Variants in DHX32 observed in about 807,000 individuals in gnomAD.
The protein encoded by DHX32 is putative pre-mRNA-splicing factor ATP-dependent RNA helicase DHX32.
In DHX32, 51 loss-of-function variants were observed where a neutral mutation model predicts 70.0. The observed-to-expected ratio is 0.73, with a 90% CI of 0.58 to 0.92. The LOEUF (loss-of-function observed/expected upper bound fraction) is 0.92. Ranked by LOEUF, DHX32 falls within the 40% of genes least tolerant of loss-of-function variation. The pLI is 0.00. For synonymous variants in DHX32, 310 were observed against 315.3 expected (o/e 0.98, Z 0.18); for missense variants, 762 against 891.8 (o/e 0.85, Z 1.85).
chr10:125,859,527 A>G, intron 3 of DHX32, 76 bp downstream of exon 3: 4 of 1,465,070 alleles, frequency 2.7e-6, no homozygotes, highest in Non-Finnish European at 3.7e-6. Flanking sequence ...AGCAAACTGA[A>G]ACCTGTATGT....
intron 6 of DHX32, 196 bp from the exon 7 acceptor site, chr10:125,842,130 G>C: frequency 1.4e-6 from 1 of 713,946 alleles, no homozygotes; most frequent in Non-Finnish European, 2.1e-6. Flanking sequence ...GGAGCCCTGT[G>C]ATTGTCCAGC....
intron 1 of DHX32, among the ~76,000 whole-genome samples, chr10:125,895,835 T>C (rs1944482866): frequency 1.3e-5 from 2 of 152,036 alleles, no homozygotes; most frequent in South Asian, 2.1e-4. Context: ...ACCGTGCTCC[T>C]GGCTCTCGCG....
rs1255247122 is a variant in DHX32, at chr10:125,838,279, A to T, written c.1990T>A (p.Trp664Arg). ...ATGCTGAATTTATGGAAGAGGACCC[A>T]CTCTGGCATCTTCTTGGTGATTGAG... Reference protein sequence around the residue: ...GYSITKKMPEWVLFHKFSISE... With the variant: ...GYSITKKMPERVLFHKFSISE... Residue 664 changes from tryptophan (W) to arginine (R), a missense_variant, in exon 10 of 11, where the codon TGG becomes AGG. By Grantham distance (101) the Trp-to-Arg change is moderately radical. Around this residue, in one of 3 missense-constraint regions of DHX32, gnomAD observed 366 missense variants for 402.6 expected, o/e 0.91. Coordinates refer to ENST00000284690, the MANE Select transcript of DHX32 (RefSeq NM_018180.3). 1 of 1,613,556 alleles carries T rather than the reference A, an allele frequency of 6.2e-7. No homozygotes were observed. Among genetic ancestry groups the T allele is most frequent in the Non-Finnish European group, 8.5e-7 (1 of 1,179,890 alleles).
chr10:125,887,643 T>C (rs958408934), intron 1 of DHX32, among the ~76,000 whole-genome samples: 9 of 152,218 alleles, frequency 5.9e-5, no homozygotes, highest in Non-Finnish European at 1.2e-4. Flanking sequence ...GTGTGTGTTT[T>C]TTTTTAAATT....
chr10:125,864,374 T>C (rs1450873400), intron 2 of DHX32, among the ~76,000 whole-genome samples: 1 of 152,214 alleles, frequency 6.6e-6, no homozygotes, highest in Non-Finnish European at 1.5e-5. Context: ...ACTCTCCACC[T>C]GTCTCCATGG....
rs776888330 is a variant in DHX32, at chr10:125,854,078, T to G, written c.975A>C (p.Thr325=). The part of the protein sequence containing the change: ...KCSLFKPLDE[T]EKRCQVYQRR... ...TTTGATAAACTTGGCATCTTTTTTC[T>G]GTTTCATCGAGTGGCTTGAACAATG... The change falls in exon 4 of 11, where the codon ACA becomes ACC. Residue 325 remains threonine, a synonymous_variant. Transcript: ENST00000284690. 4.0e-5 allele frequency: 65 copies of G among 1,614,020 alleles called. No individual in the cohort carries two copies. Among genetic ancestry groups the G allele is most frequent in the Non-Finnish European group, 5.3e-5 (62 of 1,180,014 alleles).
intron 8 of DHX32, among the ~76,000 whole-genome samples, chr10:125,840,423 A>T (rs1226639602): frequency 4.6e-5 from 7 of 152,202 alleles, no homozygotes; most frequent in Non-Finnish European, 5.9e-5. Flanking sequence ...TAGTATCTGG[A>T]GCTCTGCAGC....
At chr10:125,888,184 T>C (rs1373878090) in intron 1 of DHX32, among the ~76,000 whole-genome samples, 5 of 152,106 alleles carry the variant, frequency 3.3e-5, no homozygotes, top group Admixed American at 2.0e-4. Flanking sequence ...GTTTCAACAT[T>C]ATCTGTTTGA....
chr10:125,862,528 T>G (rs974880761), intron 2 of DHX32, among the ~76,000 whole-genome samples: 3 of 152,062 alleles, frequency 2.0e-5, no homozygotes, highest in Non-Finnish European at 4.4e-5. Flanking sequence ...ACTGATCTTA[T>G]AGGAAGTAAT....
At chr10:125,865,614 C>T (rs998957488) in intron 2 of DHX32, among the ~76,000 whole-genome samples, 8 of 152,102 alleles carry the variant, frequency 5.3e-5, no homozygotes, top group Admixed American at 2.6e-4. Context: ...ACTGCAGCCT[C>T]GATTTCCTGG....
intron 1 of DHX32, among the ~76,000 whole-genome samples, chr10:125,895,872 G>A (rs1375526509): frequency 1.3e-5 from 2 of 152,248 alleles, no homozygotes; most frequent in Non-Finnish European, 2.9e-5. Context: ...AGGCTCACTG[G>A]GGACGACAGC....
At chr10:125,892,262 G>A (rs1339805589) in intron 1 of DHX32, among the ~76,000 whole-genome samples, 11 of 152,236 alleles carry the variant, frequency 7.2e-5, no homozygotes, top group African/African-American at 2.6e-4. Context: ...TCCCACCATC[G>A]CTCTCCTGGT....
rs369860777 is a variant in DHX32, at chr10:125,874,872, G to A, written c.282+5671C>T. On this transcript the variant is annotated intron_variant, in intron 1 of 10. Coordinates refer to ENST00000284690, the MANE Select transcript of DHX32 (RefSeq NM_018180.3). ...CACAAATAGATGGATAGAATGAGAC[G>A]TGTGTATATTGCACTCACATACATT... 2.0e-5 allele frequency among the ~76,000 whole-genome samples: 3 copies of A among 152,236 alleles called. 1 individual carries two copies. Among genetic ancestry groups the A allele is most frequent in the African/African-American group, 7.2e-5 (3 of 41,520 alleles).
chr10:125,847,677 T>C (rs915501318), intron 6 of DHX32, among the ~76,000 whole-genome samples: 3 of 152,204 alleles, frequency 2.0e-5, no homozygotes, highest in Non-Finnish European at 4.4e-5. Flanking sequence ...TACATTGTAA[T>C]ATATAATGAA....
intron 1 of DHX32, among the ~76,000 whole-genome samples, chr10:125,892,668 A>C (rs1343737387): frequency 6.6e-6 from 1 of 152,190 alleles, no homozygotes; most frequent in Non-Finnish European, 1.5e-5. Context: ...CCCAGGAAGT[A>C]CCTAACACAT....
intron 4 of DHX32, chr10:125,853,168 T>C (rs757281094): frequency 3.7e-6 from 6 of 1,613,396 alleles, no homozygotes; most frequent in Non-Finnish European, 5.1e-6. Flanking sequence ...CTCTGAAGGC[T>C]GGACTAATTC....
At chr10:125,888,269 T>C (rs1944350940) in intron 1 of DHX32, among the ~76,000 whole-genome samples, 1 of 151,630 alleles carries the variant, frequency 6.6e-6, no homozygotes, top group Admixed American at 6.6e-5. Flanking sequence ...AGTGGCATGA[T>C]CATAGCTCAC....
chr10:125,868,205 T>A (rs959474793), intron 1 of DHX32, among the ~76,000 whole-genome samples: 1 of 152,228 alleles, frequency 6.6e-6, no homozygotes, highest in African/African-American at 2.4e-5. Flanking sequence ...CAACTGATGT[T>A]TATCACATTC....
chr10:125,862,943 T>C (rs1944198992), intron 2 of DHX32, among the ~76,000 whole-genome samples: 1 of 152,132 alleles, frequency 6.6e-6, no homozygotes. Flanking sequence ...ATTGTGTGTA[T>C]GATACTTTAA....
Sources: allele counts gnomAD v4.1 joint callset (sites outside exome capture counted in the v4.1 genomes callset), GRCh38; gene constraint gnomAD v4.1.1; regional missense constraint gnomAD v4.1.1; transcripts MANE v1.5; gene names NCBI Gene and HGNC (gene_info 2026-07-23, HGNC 2026-07-21).